The following SIPA1L1 variants were observed in gnomAD, a reference collection of about 807,000 sequenced individuals.
SIPA1L1 encodes signal induced proliferation associated 1 like 1, also known as signal-induced proliferation-associated 1-like protein 1.
In SIPA1L1, 26 loss-of-function variants were observed where a neutral mutation model predicts 162.7. The observed-to-expected ratio is 0.16, with a 90% CI of 0.12 to 0.22. The LOEUF is 0.22. Among genes scored for constraint, SIPA1L1 ranks in the 10% least tolerant of loss-of-function variants. The pLI is 1.00. For synonymous variants in SIPA1L1, 829 were observed against 837.4 expected, an observed-to-expected ratio of 0.99 and a Z score of 0.17; for missense variants, 1,874 against 2,241.0, an observed-to-expected ratio of 0.84 and a Z score of 3.31.
chr14:71,724,621 G>T (rs2084056024), intron 18 of SIPA1L1, 49 bp from the exon 19 acceptor site: 1 of 1,549,550 alleles, frequency 6.5e-7, no homozygotes, highest in Admixed American at 1.9e-5. Context: ...ATGCCCTTGA[G>T]CCAGCCTTGT....
At chr14:71,452,254 T>A (rs1343094624) in intron 2 of SIPA1L1, among the ~76,000 whole-genome samples, 1 of 151,842 alleles carries the variant, frequency 6.6e-6, no homozygotes, top group East Asian at 1.9e-4. Flanking sequence ...GTCACCATAG[T>A]TTTGTTTTGC....
chr14:71,522,640 T>C (rs181370715), intron 3 of SIPA1L1, among the ~76,000 whole-genome samples: 1 of 152,314 alleles, frequency 6.6e-6, no homozygotes, highest in African/African-American at 2.4e-5. Context: ...GGCACTCCTT[T>C]TAGGCAGATT....
At chr14:71,611,681 T>C (rs1244687797) in intron 5 of SIPA1L1, among the ~76,000 whole-genome samples, 1 of 152,174 alleles carries the variant, frequency 6.6e-6, no homozygotes, top group Non-Finnish European at 1.5e-5. Context: ...TGTGTTAGTT[T>C]GCTGAGAATG....
intron 5 of SIPA1L1, among the ~76,000 whole-genome samples, chr14:71,613,865 TGAAG>T (rs1221662729): frequency 8.2e-6 from 1 of 121,540 alleles, no homozygotes; most frequent in Non-Finnish European, 1.9e-5. Flanking sequence ...ACTAGGGGCC[TGAAG>T]GAAGGAGGAG....
intron 2 of SIPA1L1, among the ~76,000 whole-genome samples, chr14:71,342,753 C>T (rs1008926447): frequency 4.6e-5 from 7 of 152,222 alleles, no homozygotes; most frequent in African/African-American, 1.7e-4. Flanking sequence ...TTTCTCCAAA[C>T]CAAATATTTG....
At chr14:71,637,458 G>A (rs1342239785) in intron 7 of SIPA1L1, among the ~76,000 whole-genome samples, 5 of 152,166 alleles carry the variant, frequency 3.3e-5, no homozygotes, top group African/African-American at 9.6e-5. Context: ...CGAGTTGGGC[G>A]CAGTGACACA....
At chr14:71,509,878 C>T (rs560149577) in intron 2 of SIPA1L1, among the ~76,000 whole-genome samples, 9 of 152,252 alleles carry the variant, frequency 5.9e-5, no homozygotes, top group Middle Eastern at 3.4e-3. Flanking sequence ...ACAGGAACTT[C>T]CGTATCATGC....
intron 4 of SIPA1L1, 86 bp downstream of exon 4, chr14:71,529,456 A>C: frequency 1.8e-6 from 1 of 562,258 alleles, no homozygotes; most frequent in South Asian, 2.3e-5. Context: ...AGAGAAATGA[A>C]AACATAGAAA....
Position 71,548,015 on chromosome 14 carries a change from C to T in SIPA1L1, c.-303+18645C>T, listed in dbSNP as rs761270139. Among the ~76,000 whole-genome samples the T allele has an allele frequency of 7.5e-4, 114 of 152,140 alleles. 1 individual carries two copies. Among genetic ancestry groups the T allele is most frequent in the Admixed American group, 3.9e-4 (6 of 15,282 alleles). On this transcript the variant is annotated intron_variant, in intron 4 of 23. Coordinates refer to ENST00000381232, the MANE Select transcript of SIPA1L1 (RefSeq NM_001386936.1). ...TTCTTGTAAAGCCATAATGACATCACAGAATAGATTTTATTTTTGAGCAGG... is the reference window on the plus strand; with the variant it reads ...TTCTTGTAAAGCCATAATGACATCATAGAATAGATTTTATTTTTGAGCAGG...
intron 14 of SIPA1L1, among the ~76,000 whole-genome samples, chr14:71,699,776 A>G (rs1272078179): frequency 1.3e-5 from 2 of 152,216 alleles, no homozygotes; most frequent in African/African-American, 4.8e-5. Flanking sequence ...AGTTATAGAG[A>G]AGAAGGGTCC....
intron 13 of SIPA1L1, among the ~76,000 whole-genome samples, chr14:71,698,247 A>G (rs2081805788): frequency 6.6e-6 from 1 of 152,210 alleles, no homozygotes; most frequent in Non-Finnish European, 1.5e-5. Context: ...TAGAGGAGGT[A>G]GAGGGTAAAA....
intron 2 of SIPA1L1, among the ~76,000 whole-genome samples, chr14:71,365,853 G>A (rs1193052101): frequency 6.6e-6 from 1 of 151,262 alleles, no homozygotes; most frequent in Non-Finnish European, 1.5e-5. Context: ...AGCCTCCTGA[G>A]TAGCTGGGAC....
intron 13 of SIPA1L1, among the ~76,000 whole-genome samples, chr14:71,692,874 A>G (rs2081347116): frequency 6.6e-6 from 1 of 152,206 alleles, no homozygotes; most frequent in South Asian, 2.1e-4. Context: ...TAGAAGCACC[A>G]GGAGGGTAGG....
intron 2 of SIPA1L1, among the ~76,000 whole-genome samples, chr14:71,491,696 T>C (rs2049269326): frequency 1.3e-5 from 2 of 151,090 alleles, no homozygotes; most frequent in South Asian, 4.2e-4. Flanking sequence ...TCAGCCTGCC[T>C]TGGCTTCCCA....
chr14:71,716,428 A>G (rs1005006304), intron 17 of SIPA1L1, among the ~76,000 whole-genome samples: 1 of 152,182 alleles, frequency 6.6e-6, no homozygotes, highest in Non-Finnish European at 1.5e-5. Context: ...GCTTCCTGAA[A>G]ATACCATCTT....
At chr14:71,658,200 C>A in intron 8 of SIPA1L1, 133 bp from the exon 9 acceptor site, 4 of 582,712 alleles carry the variant, frequency 6.9e-6, no homozygotes, top group South Asian at 2.3e-5. Context: ...AAAGGAAGAA[C>A]ACCTGTCTTG....
At chr14:71,655,845 G>C (rs1046933786) in intron 8 of SIPA1L1, among the ~76,000 whole-genome samples, 1 of 152,000 alleles carries the variant, frequency 6.6e-6, no homozygotes, top group Non-Finnish European at 1.5e-5. Context: ...ATTTGCTTAA[G>C]TTTCTTAGAG....
At position 71,542,056 on chromosome 14, in the gene SIPA1L1, C is replaced by T. The variant is rs1019537092; in HGVS notation, c.-303+12686C>T. On this transcript the variant is annotated intron_variant, in intron 4 of 23. Transcript: ENST00000381232. ...AACCTGCTAGAGAATGAACTTACTT[C>T]CCAGTCCCCCAACTCCTTATTTCTA... Among the ~76,000 whole-genome samples, 3 of 152,046 alleles carry T rather than the reference C, an allele frequency of 2.0e-5. No individual in the cohort carries two copies. In the East Asian group the frequency reaches 5.8e-4, roughly 29 times the overall value.
intron 2 of SIPA1L1, among the ~76,000 whole-genome samples, chr14:71,496,022 A>G (rs2049743109): frequency 6.7e-6 from 1 of 149,738 alleles, no homozygotes; most frequent in African/African-American, 2.5e-5. Flanking sequence ...GTAGTTAGCC[A>G]TGATCTTGCT....
Sources: gnomAD v4.1 joint callset for allele counts (sites outside exome capture counted in the v4.1 genomes callset) on GRCh38, gnomAD v4.1.1 for gene constraint, MANE v1.5 for transcripts, NCBI Gene and HGNC (gene_info 2026-07-23, HGNC 2026-07-21) for gene names.